The following ARID1B variants were observed in gnomAD, a reference collection of about 807,000 sequenced individuals.
ARID1B encodes the protein AT-rich interactive domain-containing protein 1B.
A neutral mutation model predicts 212.3 loss-of-function variants in ARID1B; 30 were observed. That is an observed-to-expected ratio of 0.14 (90% CI 0.11 to 0.19). The LOEUF is 0.19. Among genes scored for constraint, ARID1B ranks in the 10% least tolerant of loss-of-function variants. The pLI, the probability that ARID1B is intolerant of heterozygous loss-of-function variation, is 1.00. For missense variants in ARID1B, 2,891 were observed against 3,204.0 expected (o/e 0.90, Z 2.36); for synonymous variants, 1,402 against 1,301.7 (o/e 1.08, Z -1.66).
rs548234553 is a variant in ARID1B at position 156,851,178 on chromosome 6, C to G, written c.1986+21757C>G. Reference sequence around the variant, plus strand: ...GAAAGACTCAGTTACCTTGGCCTCTCTCTGTGTGTGCCAGAGCCCCCCTGC... The same window carrying G: ...GAAAGACTCAGTTACCTTGGCCTCTGTCTGTGTGTGCCAGAGCCCCCCTGC... On this transcript the variant is annotated intron_variant, in intron 2 of 19. Transcript: ENST00000636930. 3.6e-4 allele frequency among the ~76,000 whole-genome samples: 55 copies of G among 152,278 alleles called. 1 individual carries two copies. The South Asian group carries it at 0.011, about 31-fold the overall frequency.
chr6:156,922,947 G>A (rs996775090), intron 3 of ARID1B, among the ~76,000 whole-genome samples: 1 of 152,184 alleles, frequency 6.6e-6, no homozygotes, highest in African/African-American at 2.4e-5. Context: ...CTCGTGTGCC[G>A]GAAGTAGTCT....
At chr6:157,057,559 G>A (rs1204671070) in intron 4 of ARID1B, among the ~76,000 whole-genome samples, 1 of 152,098 alleles carries the variant, frequency 6.6e-6, no homozygotes, top group Non-Finnish European at 1.5e-5. Context: ...AAGTAGCTGG[G>A]ATTGCAAGTG....
intron 4 of ARID1B, among the ~76,000 whole-genome samples, chr6:156,958,309 TA>T (rs1404122961): frequency 6.6e-6 from 1 of 152,210 alleles, no homozygotes; most frequent in Non-Finnish European, 1.5e-5. Context: ...AGAAAAACAC[TA>T]GGAATGAGTA....
chr6:156,951,444 T>C (rs1054957869), intron 4 of ARID1B, among the ~76,000 whole-genome samples: 2 of 152,100 alleles, frequency 1.3e-5, no homozygotes, highest in African/African-American at 4.8e-5. Flanking sequence ...TTATTTTCTT[T>C]CTTTTTCTTT....
At chr6:156,992,105 T>C (rs990390290) in intron 4 of ARID1B, among the ~76,000 whole-genome samples, 6 of 152,212 alleles carry the variant, frequency 3.9e-5, no homozygotes, top group Non-Finnish European at 8.8e-5. Flanking sequence ...GTGTGTAATG[T>C]GTATGCTATG....
rs1044537924 is a variant in ARID1B, at chr6:156,829,331, C to T, written c.1896C>T (p.Ser632=). The change falls in exon 2 of 20, where the codon TCC becomes TCT. Residue 632 remains serine, a synonymous_variant. Transcript: ENST00000636930. ...PQQSSPYPGG[S]YGPPGPQRYP... ...AGAGCAGTCCGTACCCAGGAGGTTC[C>T]TATGGCCCTCCAGGCCCACAGCGGT... is the stretch of plus-strand genomic sequence containing the variant. 1.9e-6 allele frequency: 3 copies of T among 1,614,212 alleles called. No individual in the cohort carries two copies. Among genetic ancestry groups the T allele is most frequent in the Non-Finnish European group, 2.5e-6 (3 of 1,180,040 alleles).
In ARID1B at chr6:156,946,388, A is replaced by T. The variant is rs531929029; in HGVS notation, c.2247+10812A>T. Among the ~76,000 whole-genome samples, 288 of 151,930 alleles carry T rather than the reference A, an allele frequency of 1.9e-3. 3 individuals carry two copies. Among genetic ancestry groups the T allele is most frequent in the Admixed American group, 4.8e-3 (73 of 15,234 alleles). ...CTCCATCTCAAAAAATAAAAAATAA[A>T]TAATAAATAAATAAATAAATATGCC... On this transcript the variant is annotated intron_variant, in intron 4 of 19. Transcript: ENST00000636930.
intron 4 of ARID1B, among the ~76,000 whole-genome samples, chr6:157,052,420 T>C (rs12195646): frequency 0.28 from 42,355 of 152,038 alleles, 6,208 homozygotes; most frequent in Non-Finnish European, 0.32. Context: ...ATAAGTTTTG[T>C]TGGGGCTGAT....
intron 4 of ARID1B, among the ~76,000 whole-genome samples, chr6:157,082,457 C>T (rs527986557): frequency 3.3e-5 from 5 of 152,252 alleles, no homozygotes; most frequent in Non-Finnish European, 5.9e-5. Flanking sequence ...CTCACGTGCC[C>T]TTACATTTCT....
At chr6:156,823,677 TTTTCTTTGTTG>T (rs1782541791) in intron 1 of ARID1B, among the ~76,000 whole-genome samples, 1 of 139,910 alleles carries the variant, frequency 7.1e-6, no homozygotes, top group African/African-American at 2.7e-5. Context: ...TTTCGGTGGG[TTTTCTTTGTTG>T]TTTTTTTTTT....
chr6:157,005,597 T>A (rs1167054439), intron 4 of ARID1B, among the ~76,000 whole-genome samples: 1 of 152,180 alleles, frequency 6.6e-6, no homozygotes, highest in East Asian at 1.9e-4. Context: ...TTGGTAAAAC[T>A]TCTTTCTCCA....
intron 4 of ARID1B, among the ~76,000 whole-genome samples, chr6:157,055,779 G>A (rs929078242): frequency 1.8e-4 from 27 of 152,140 alleles, no homozygotes; most frequent in African/African-American, 6.5e-4. Context: ...CAGGGCTGTG[G>A]TCTCATCTGA....
intron 4 of ARID1B, among the ~76,000 whole-genome samples, chr6:157,053,057 A>C (rs1285893594): frequency 1.3e-5 from 2 of 151,684 alleles, no homozygotes; most frequent in African/African-American, 2.4e-5. Flanking sequence ...CAACAGTGCA[A>C]AATATCATGA....
chr6:157,097,241 T>C (rs902594676), intron 5 of ARID1B, among the ~76,000 whole-genome samples: 3 of 152,260 alleles, frequency 2.0e-5, no homozygotes, highest in South Asian at 4.1e-4. Flanking sequence ...CTTAATTCTA[T>C]ATCTAAATGG....
intron 4 of ARID1B, among the ~76,000 whole-genome samples, chr6:157,069,908 G>A (rs576253115): frequency 1.8e-3 from 268 of 152,234 alleles, no homozygotes; most frequent in Non-Finnish European, 2.4e-3. Flanking sequence ...TACGAATAAC[G>A]TTTCTCCTTG....
chr6:157,125,874 C>T (rs1788102504), intron 6 of ARID1B, among the ~76,000 whole-genome samples: 1 of 152,204 alleles, frequency 6.6e-6, no homozygotes, highest in Non-Finnish European at 1.5e-5. Context: ...TTTCTTGTCT[C>T]ATATAAAGTT....
At chr6:156,912,316 T>C (rs1789961749) in intron 3 of ARID1B, among the ~76,000 whole-genome samples, 2 of 151,198 alleles carry the variant, frequency 1.3e-5, no homozygotes, top group African/African-American at 4.9e-5. Flanking sequence ...CTTTCTTCCT[T>C]ACCCAACTAA....
rs530794399 is a variant in ARID1B at position 157,178,531 on chromosome 6, G to A, written c.3505-2438G>A. Among the ~76,000 whole-genome samples the A allele has an allele frequency of 2.0e-5, 3 of 152,314 alleles. No homozygotes were observed. The South Asian group carries it at 6.2e-4, about 32-fold the overall frequency. On this transcript the variant is annotated intron_variant, in intron 11 of 19. Coordinates refer to ENST00000636930, the MANE Select transcript of ARID1B (RefSeq NM_001374828.1). ...GAGCCAGCCTCGGGAGGCCTCTTCC[G>A]AATTTATCACGTAAACTGAGGCCTG...
chr6:156,804,595 C>G (rs1245025464), intron 1 of ARID1B, among the ~76,000 whole-genome samples: 1 of 151,982 alleles, frequency 6.6e-6, no homozygotes, highest in Non-Finnish European at 1.5e-5. Context: ...GAGTGCCCAG[C>G]GAAGGGGGAA....
Sources: gnomAD v4.1 joint callset for allele counts (sites outside exome capture counted in the v4.1 genomes callset) on GRCh38, gnomAD v4.1.1 for gene constraint, MANE v1.5 for transcripts, NCBI Gene and HGNC (gene_info 2026-07-23, HGNC 2026-07-21) for gene names.